ZC3H12D: variants seen among roughly 807,000 people sequenced by gnomAD.
ZC3H12D encodes zinc finger CCCH-type containing 12D.
A neutral mutation model predicts 24.2 loss-of-function variants in ZC3H12D; 11 were observed. That is an observed-to-expected ratio of 0.46 (90% CI 0.29 to 0.75). The LOEUF (loss-of-function observed/expected upper bound fraction) is 0.75, where lower values mean the gene tolerates loss of function less well. ZC3H12D is among the 30% of genes least tolerant of loss of function. The pLI, the probability that ZC3H12D is intolerant of heterozygous loss-of-function variation, is 0.11. For missense variants in ZC3H12D, 740 were observed against 767.7 expected (o/e 0.96, Z 0.43); for synonymous variants, 333 against 341.8 (o/e 0.97, Z 0.28).
Position 149,450,806 on chromosome 6 carries a change from G to T in ZC3H12D, c.1461C>A (p.Ser487Arg). Residue 487 changes from serine to arginine, a missense_variant, in exon 6 of 6, where the codon AGC (serine) becomes AGA (arginine). Coordinates refer to ENST00000409806, the MANE Select transcript of ZC3H12D (RefSeq NM_207360.3). ...GGTCCACCTGGTCACGCGGGAAGAC[G>T]CTGTAGAGCGCGATGCGAGCCCGGG... ...ARARARIALY[S>R]VFPRDQVDRV... 1 of 1,548,308 alleles carries T rather than the reference G, an allele frequency of 6.5e-7. No individual in the cohort carries two copies. The highest frequency in any genetic ancestry group is 1.7e-4 in the Middle Eastern group (1 of 5,956).
At chr6:149,481,993 A>G (rs1261573516) in intron 1 of ZC3H12D, among the ~76,000 whole-genome samples, 1 of 152,234 alleles carries the variant, frequency 6.6e-6, no homozygotes, top group African/African-American at 2.4e-5. Context: ...AAATGAAAAC[A>G]CTGGGGGCTT....
chr6:149,460,777 C>G (rs1184328192), intron 3 of ZC3H12D, among the ~76,000 whole-genome samples: 1 of 151,576 alleles, frequency 6.6e-6, no homozygotes, highest in Non-Finnish European at 1.5e-5. Context: ...TTGCAGTGAG[C>G]TGAGATTGTG....
chr6:149,456,627 C>CCCCCCCCCCCCCGG lies in ZC3H12D; in HGVS notation c.680+38_680+39insCCGGGGGGGGGGGG. The CCCCCCCCCCCCCGG allele has an allele frequency of 7.1e-7, 1 of 1,403,092 alleles. No individual in the cohort carries two copies. The highest frequency in any genetic ancestry group is 1.0e-6 in the Non-Finnish European group (1 of 997,694). 86.9% of individuals were successfully genotyped at this position (1,403,092 alleles called of 1,614,324 possible). ...CTGCCTCGACCCCGGCCCCCCGCCC[C>CCCCCCCCCCCCCGG]GCCGCCCCCCAGGGTGTCAGGACCC... On this transcript the variant is annotated intron_variant, in intron 4 of 5. Coordinates refer to ENST00000409806, the MANE Select transcript of ZC3H12D (RefSeq NM_207360.3). The surrounding 1 kb of genome is among the most constrained non-coding windows in gnomAD (Gnocchi z 4.3).
intron 2 of ZC3H12D, among the ~76,000 whole-genome samples, chr6:149,467,111 C>A (rs1358976630): frequency 6.6e-6 from 1 of 152,118 alleles, no homozygotes; most frequent in African/African-American, 2.4e-5. Context: ...AGCCCACTCC[C>A]CAGCACACAG....
chr6:149,452,000 C>T (rs1775906441), intron 5 of ZC3H12D: 1 of 153,224 alleles, frequency 6.5e-6, no homozygotes, highest in Non-Finnish European at 1.5e-5. Context: ...AACAAATGGT[C>T]AAGTGTTACT....
chr6:149,465,762 A>AAC (rs1776149418), intron 2 of ZC3H12D, among the ~76,000 whole-genome samples: 1 of 119,436 alleles, frequency 8.4e-6, no homozygotes, highest in Non-Finnish European at 1.7e-5. Flanking sequence ...CTCAAAAAAA[A>AAC]AAAAGGGGGG....
chr6:149,462,700 C>A (rs1776092843), intron 2 of ZC3H12D, among the ~76,000 whole-genome samples: 3 of 152,214 alleles, frequency 2.0e-5, no homozygotes, highest in Admixed American at 2.0e-4. Flanking sequence ...ATGGCTAGAA[C>A]AAAACAGGCA....
rs531080319 is a variant in ZC3H12D, at chr6:149,466,214, C to T, written c.306-4244G>A. On this transcript the variant is annotated intron_variant, in intron 2 of 5. Transcript: ENST00000409806. ...CCAGCCCAGCCACTGTGCAACAGAA[C>T]CCAGTGAGGGCCCCAGACCCCTTTT... 2.6e-5 allele frequency among the ~76,000 whole-genome samples: 4 copies of T among 152,076 alleles called. No individual in the cohort carries two copies. In the South Asian group the frequency reaches 8.3e-4, roughly 32 times the overall value.
At chr6:149,451,893 G>A (rs1176040541) in intron 5 of ZC3H12D, among the ~76,000 whole-genome samples, 1 of 152,242 alleles carries the variant, frequency 6.6e-6, no homozygotes, top group Admixed American at 6.5e-5. Context: ...TCGGGGCAGA[G>A]GACTGCGCCT....
intron 4 of ZC3H12D, among the ~76,000 whole-genome samples, chr6:149,455,490 A>C (rs1775964907): frequency 6.6e-6 from 1 of 152,258 alleles, no homozygotes; most frequent in African/African-American, 2.4e-5. Flanking sequence ...GCAACAGCCC[A>C]GCTGGCTGTG....
intron 2 of ZC3H12D, among the ~76,000 whole-genome samples, chr6:149,465,766 AG>A (rs55719616): frequency 0.42 from 60,662 of 143,602 alleles, 13,960 homozygotes; most frequent in African/African-American, 0.65. Flanking sequence ...AAAAAAAAAA[AG>A]GGGGGGGGAA....
chr6:149,470,536 G>GAA (rs67599681), intron 2 of ZC3H12D, among the ~76,000 whole-genome samples: 46 of 147,942 alleles, frequency 3.1e-4, no homozygotes, highest in African/African-American at 5.0e-4. Flanking sequence ...TCCGTCTGAA[G>GAA]AAAAAAAAAA....
rs955641622 is a variant in ZC3H12D, at chr6:149,456,692, C to T, written c.654G>A (p.Leu218=). 1 of 1,613,416 alleles carries T rather than the reference C, an allele frequency of 6.2e-7. No individual in the cohort carries two copies. The highest frequency in any genetic ancestry group is 1.7e-5 in the Admixed American group (1 of 60,024). ...GGTCGTTGACGAAGGAGAACATGAG[C>T]AGCCTCTGCTCGATGAACCACTTCC... is the stretch of plus-strand genomic sequence containing the variant. ...PEWKWFIEQR[L]LMFSFVNDRF... is the part of the protein sequence containing the mutation. Residue 218 remains leucine (L), a synonymous_variant, in exon 4 of 6, where the codon CTG becomes CTA. Coordinates refer to ENST00000409806, the MANE Select transcript of ZC3H12D (RefSeq NM_207360.3). This position sits in a 1 kb window ranked among gnomAD's most constrained non-coding sequence, Gnocchi z 4.3.
intron 3 of ZC3H12D, 149 bp downstream of exon 3, chr6:149,461,682 A>C (rs1290925309): frequency 1.2e-6 from 1 of 838,372 alleles, no homozygotes; most frequent in African/African-American, 1.7e-5. Flanking sequence ...TTGAACAGTC[A>C]TAATCAGTGC....
At chr6:149,461,146 T>C (rs1429547807) in intron 3 of ZC3H12D, among the ~76,000 whole-genome samples, 2 of 151,892 alleles carry the variant, frequency 1.3e-5, no homozygotes, top group East Asian at 1.9e-4. Context: ...ATTGAGACCA[T>C]CCTGGCCAAC....
Position 149,449,299 on chromosome 6 carries a change from G to A in ZC3H12D, c.*1384C>T. ...TGACTCATCCAGCCCCAGTGTAACT[G>A]TGAAGTGCGGCTGTCATGTTTACAG... On this transcript the variant is annotated 3_prime_UTR_variant, in exon 6 of 6. Transcript: ENST00000409806. The A allele has an allele frequency of 6.6e-6, 1 of 152,366 alleles. No individual in the cohort carries two copies. The highest frequency in any genetic ancestry group is 1.5e-5 in the Non-Finnish European group (1 of 68,070). 9.4% of individuals were successfully genotyped at this position (152,366 alleles called of 1,614,324 possible). A position where few individuals can be genotyped will look rare whatever the true frequency, so the allele number is the denominator to read the frequency against.
At position 149,459,741 on chromosome 6, in the gene ZC3H12D, C is replaced by G. The variant is rs535317343; in HGVS notation, c.445+2090G>C. The G allele has an allele frequency of 2.4e-5, 17 of 716,610 alleles. No individual in the cohort carries two copies. In the East Asian group the frequency reaches 4.6e-4, roughly 19 times the overall value. The allele number at this position is 716,610 out of a possible 1,614,324, so 44.4% of individuals were successfully genotyped here. A position where few individuals can be genotyped will look rare whatever the true frequency, so the allele number is the denominator to read the frequency against. On this transcript the variant is annotated intron_variant, in intron 3 of 5. Coordinates refer to ENST00000409806, the MANE Select transcript of ZC3H12D (RefSeq NM_207360.3). ...GCCTCCCATTGTGGCTGTTGACCTC[C>G]TAGAATAAAACCATCATCATTCTGC...
Position 149,456,908 on chromosome 6 carries a change from C to A in ZC3H12D, c.446-8G>T, listed in dbSNP as rs768286093. 4 of 1,591,100 alleles carry A rather than the reference C, an allele frequency of 2.5e-6. No individual in the cohort carries two copies. The highest frequency in any genetic ancestry group is 3.4e-6 in the Non-Finnish European group (4 of 1,172,012). On this transcript the variant is annotated splice_region_variant and splice_polypyrimidine_tract_variant and intron_variant, in intron 3 of 5. Coordinates refer to ENST00000409806, the MANE Select transcript of ZC3H12D (RefSeq NM_207360.3). The surrounding 1 kb of genome is among the most constrained non-coding windows in gnomAD (Gnocchi z 4.3). ...CCGCCAGCACGTGCTGCTCTGAGGG[C>A]GGGGCGACGGAGACGCGGGTGAGGG... is the stretch of plus-strand genomic sequence containing the variant.
chr6:149,456,988 G>A lies in ZC3H12D; in HGVS notation c.446-88C>T. On this transcript the variant is annotated intron_variant, in intron 3 of 5. Coordinates refer to ENST00000409806, the MANE Select transcript of ZC3H12D (RefSeq NM_207360.3). This position sits in a 1 kb window ranked among gnomAD's most constrained non-coding sequence, Gnocchi z 4.3. ...CCAACGCGAGGCCACCCGCTTCCCG[G>A]GCCGGTCAGATGAGGTTTTGAGGGG... 1 of 1,349,982 alleles carries A rather than the reference G, an allele frequency of 7.4e-7. No homozygotes were observed. Among genetic ancestry groups the A allele is most frequent in the Non-Finnish European group, 1.0e-6 (1 of 987,294 alleles). 83.6% of individuals were successfully genotyped at this position (1,349,982 alleles called of 1,614,324 possible). A position where few individuals can be genotyped will look rare whatever the true frequency, so the allele number is the denominator to read the frequency against.
Sources: allele counts gnomAD v4.1 joint callset (sites outside exome capture counted in the v4.1 genomes callset), GRCh38; gene constraint gnomAD v4.1.1; non-coding constraint Gnocchi (gnomAD v3.1); transcripts MANE v1.5; gene names NCBI Gene and HGNC (gene_info 2026-07-23, HGNC 2026-07-21).